Variants in FBXO27 observed in about 807,000 individuals in gnomAD.
FBXO27 encodes the protein F-box only protein 27.
A neutral mutation model predicts 28.3 loss-of-function variants in FBXO27; 28 were observed. The observed-to-expected ratio is 0.99, with a 90% CI of 0.73 to 1.36. The LOEUF (loss-of-function observed/expected upper bound fraction) is 1.36, where lower values mean the gene tolerates loss of function less well. FBXO27 is among the 40% of genes most tolerant of loss of function. The pLI is 0.00. For synonymous variants in FBXO27, 175 were observed against 167.3 expected (o/e 1.05, Z -0.36); for missense variants, 388 against 394.1 (o/e 0.98, Z 0.13).
chr19:39,011,687 TGGC>T lies in FBXO27; in HGVS notation c.252+2697_252+2699del, dbSNP rs200685379. 4.5e-4 allele frequency among the ~76,000 whole-genome samples: 20 copies of T among 44,638 alleles called. 2 individuals carry two copies. Among genetic ancestry groups the T allele is most frequent in the South Asian group, 1.0e-3 (1 of 974 alleles). 29.3% of individuals were successfully genotyped at this position (44,638 alleles called of 152,430 possible). On this transcript the variant is annotated intron_variant, in intron 2 of 2. Coordinates refer to the FBXO27 transcript ENST00000598394. ...TTTCTTTTCTTATTTTTCGCAGAGA[TGGC>T]GGCGGGGGAGGGGGGGTCTCCCTTT...
downstream of FBXO27, among the ~76,000 whole-genome samples, chr19:39,020,437 T>A (rs2072839858): frequency 6.6e-6 from 1 of 151,628 alleles, no homozygotes; most frequent in Non-Finnish European, 1.5e-5. Context: ...GGTGCCGAAG[T>A]GGTCTCATTG....
At position 39,031,273 on chromosome 19, in the gene FBXO27, C is replaced by G. The variant is rs772833753; in HGVS notation, c.412G>C (p.Val138Leu). The G allele has an allele frequency of 2.5e-6, 4 of 1,613,970 alleles. No homozygotes were observed. In the African/African-American group the frequency reaches 5.3e-5, roughly 22 times the overall value. ...MVQHGGDGWVVEENRTTVPGA... is the reference protein window; with the variant it reads ...MVQHGGDGWVLEENRTTVPGA... ...GGCACGGTTGTCCTGTTTTCCTCCA[C>G]CACCCAGCCGTCCCCACCGTGTTGC... Residue 138 changes from valine to leucine, a missense_variant, in exon 3 of 6, where the codon GTG becomes CTG. Val to Leu is a conservative substitution (Grantham distance 32, BLOSUM62 1). Coordinates refer to ENST00000292853, the MANE Select transcript of FBXO27 (RefSeq NM_178820.5).
At chr19:39,013,236 C>G (rs543975105) in intron 2 of FBXO27, among the ~76,000 whole-genome samples, 2 of 152,178 alleles carry the variant, frequency 1.3e-5, no homozygotes, top group Non-Finnish European at 2.9e-5. Flanking sequence ...AATGAGGCGT[C>G]TCCCAAGTGT....
intron 2 of FBXO27, among the ~76,000 whole-genome samples, chr19:39,011,152 CG>C (rs2072792144): frequency 6.6e-6 from 1 of 152,146 alleles, no homozygotes. Flanking sequence ...GACAAGTGGC[CG>C]GGTGCAGTGG....
At position 39,025,377 on chromosome 19, in the gene FBXO27, A is replaced by C. The variant is rs530747285; in HGVS notation, c.*34T>G. Reference sequence around the variant, plus strand: ...AATGGTCCCAGGCCCTGGAAGGCACAGTCAGGCTGTCTTGCAAGAAGGGTA... The same window carrying C: ...AATGGTCCCAGGCCCTGGAAGGCACCGTCAGGCTGTCTTGCAAGAAGGGTA... On this transcript the variant is annotated 3_prime_UTR_variant, in exon 6 of 6. Transcript: ENST00000292853. The C allele has an allele frequency of 6.3e-6, 10 of 1,596,166 alleles. No homozygotes were observed. The African/African-American group carries it at 1.1e-4, about 17-fold the overall frequency.
chr19:39,026,746 A>C, intron 5 of FBXO27, 124 bp downstream of exon 5: 1 of 1,425,004 alleles, frequency 7.0e-7, no homozygotes, highest in Non-Finnish European at 9.6e-7. Flanking sequence ...TGCTGGGATT[A>C]CAGGTGTGAG....
intron 2 of FBXO27, among the ~76,000 whole-genome samples, chr19:39,013,498 C>T (rs1388490204): frequency 3.3e-5 from 5 of 151,632 alleles, no homozygotes; most frequent in Admixed American, 6.6e-5. Flanking sequence ...GGCATGGTGG[C>T]GTATGCCTGT....
chr19:39,025,444 G>T lies in FBXO27; in HGVS notation c.819C>A (p.Asn273Lys), dbSNP rs1385525052. ...GACGGACTCGCACGATCACACTGGA[G>T]TTGGTCACACGGGCTCCATAGTGGC... ...WAGHYGARVT[N>K]SSVIVRVRLS The change falls in exon 6 of 6, where the codon AAC (asparagine) becomes AAA (lysine). Residue 273 changes from asparagine (N) to lysine (K), a missense_variant. Transcript: ENST00000292853. The T allele has an allele frequency of 1.2e-6, 2 of 1,614,142 alleles. No homozygotes were observed. Among genetic ancestry groups the T allele is most frequent in the Non-Finnish European group, 8.5e-7 (1 of 1,180,024 alleles).
intron 2 of FBXO27, among the ~76,000 whole-genome samples, chr19:39,008,871 A>C (rs1020289810): frequency 6.6e-6 from 1 of 152,158 alleles, no homozygotes; most frequent in Admixed American, 6.6e-5. Context: ...CCCAGGCTGG[A>C]GTGCAGTGGG....
Position 39,025,390 on chromosome 19 carries a change from T to C in FBXO27, c.*21A>G, listed in dbSNP as rs944543254. On this transcript the variant is annotated 3_prime_UTR_variant, in exon 6 of 6. Coordinates refer to ENST00000292853, the MANE Select transcript of FBXO27 (RefSeq NM_178820.5). ...CCTGGAAGGCACAGTCAGGCTGTCT[T>C]GCAAGAAGGGTAGTGCTGGACTAGG... is the stretch of plus-strand genomic sequence containing the variant. 2.5e-6 allele frequency: 4 copies of C among 1,605,200 alleles called. No individual in the cohort carries two copies. The African/African-American group carries it at 4.0e-5, about 16-fold the overall frequency.
downstream of FBXO27, among the ~76,000 whole-genome samples, chr19:39,021,016 A>C (rs1283223320): frequency 6.6e-6 from 1 of 152,008 alleles, no homozygotes; most frequent in African/African-American, 2.4e-5. Context: ...CACCACGCCC[A>C]GCTAATTTTT....
chr19:39,025,042 AG>A lies in FBXO27; in HGVS notation c.*368del, dbSNP rs747172379. ...AGGAGACAAGAGGTCAGTGGTGCGG[AG>A]GGGAGGGGATGGTACAGAGGGGCCT... On this transcript the variant is annotated 3_prime_UTR_variant, in exon 6 of 6. Transcript: ENST00000292853. 2 of 195,496 alleles carry A rather than the reference AG, an allele frequency of 1.0e-5. No homozygotes were observed. The highest frequency in any genetic ancestry group is 2.1e-5 in the Non-Finnish European group (2 of 94,894). The allele number at this position is 195,496 out of a possible 1,614,324, so 12.1% of individuals were successfully genotyped here.
At chr19:39,022,773 C>T (rs980211094), downstream of FBXO27, among the ~76,000 whole-genome samples, 2 of 151,774 alleles carry the variant, frequency 1.3e-5, no homozygotes, top group Admixed American at 1.3e-4. Context: ...CCTGCTGCCA[C>T]GACTGGCTAA....
At chr19:39,010,368 T>C (rs1485592324) in intron 2 of FBXO27, among the ~76,000 whole-genome samples, 1 of 152,142 alleles carries the variant, frequency 6.6e-6, no homozygotes, top group Non-Finnish European at 1.5e-5. Flanking sequence ...ATATGATTCT[T>C]TCCCCCACTG....
rs1003604502 is a variant in FBXO27 at position 39,011,704 on chromosome 19, G to C, written c.252+2683C>G. Among the ~76,000 whole-genome samples, 14 of 145,714 alleles carry C rather than the reference G, an allele frequency of 9.6e-5. No individual in the cohort carries two copies. In the South Asian group the frequency reaches 2.2e-3, roughly 23 times the overall value. On this transcript the variant is annotated intron_variant, in intron 2 of 2. Transcript: ENST00000598394. The stretch of plus-strand genomic sequence containing the variant: ...CGCAGAGATGGCGGCGGGGGAGGGG[G>C]GGTCTCCCTTTGTTGCCCCGGCTGG...
chr19:39,029,193 A>C (rs1018460112), intron 4 of FBXO27, among the ~76,000 whole-genome samples: 1 of 151,804 alleles, frequency 6.6e-6, no homozygotes. Context: ...TAATAGGCTG[A>C]GGTGGGCAGA....
chr19:39,020,057 G>A (rs2072838245), downstream of FBXO27, among the ~76,000 whole-genome samples: 2 of 151,994 alleles, frequency 1.3e-5, no homozygotes, highest in African/African-American at 4.8e-5. Flanking sequence ...GCCTGGTCAT[G>A]AAGAGGTTTG....
At position 39,026,997 on chromosome 19, in the gene FBXO27, G is replaced by A. The variant is rs747770133; in HGVS notation, c.581C>T (p.Ala194Val). Residue 194 changes from alanine to valine, a missense_variant, in exon 5 of 6, where the codon GCC (alanine) becomes GTC (valine). Ala to Val is a moderately conservative substitution (Grantham distance 64). Transcript: ENST00000292853. ...IEICVSDWWG[A>V]RHDSGCMYRL... ...GTACATACAGCCGCTGTCGTGTCGG[G>A]CTCCCCACCTGTGGGAGGAAGGAGC... The A allele has an allele frequency of 2.4e-5, 38 of 1,613,996 alleles. 1 individual carries two copies. The South Asian group carries it at 4.0e-4, about 17-fold the overall frequency.
intron 1 of FBXO27, among the ~76,000 whole-genome samples, chr19:39,018,637 A>T (rs1460792869): frequency 6.6e-6 from 1 of 152,154 alleles, no homozygotes; most frequent in East Asian, 1.9e-4. Context: ...CTGCAGCTGC[A>T]GTTGCCTGAC....
Sources: allele counts gnomAD v4.1 joint callset (sites outside exome capture counted in the v4.1 genomes callset), GRCh38; gene constraint gnomAD v4.1.1; transcripts MANE v1.5; gene names NCBI Gene and HGNC (gene_info 2026-07-23, HGNC 2026-07-21).